MAD1L1: variants seen among roughly 807,000 people sequenced by gnomAD.
MAD1L1 encodes mitotic arrest deficient 1 like 1, also known as mitotic spindle assembly checkpoint protein MAD1.
In MAD1L1, 95 loss-of-function variants were observed where a neutral mutation model predicts 96.9. That is an observed-to-expected ratio of 0.98 (90% CI 0.83 to 1.16). MAD1L1 has a LOEUF of 1.16. MAD1L1 is among the 50% of genes most tolerant of loss of function. The probability of loss-of-function intolerance (pLI) is 0.00; values close to 1 mark genes in which losing one functional copy is unlikely to be tolerated. For missense variants in MAD1L1, 1,007 were observed against 954.4 expected, an observed-to-expected ratio of 1.06 and a Z score of -0.73; for synonymous variants, 473 against 396.6, an observed-to-expected ratio of 1.19 and a Z score of -2.29.
chr7:1,949,449 T>C (rs938632316), intron 16 of MAD1L1, among the ~76,000 whole-genome samples: 2 of 152,324 alleles, frequency 1.3e-5, no homozygotes, highest in African/African-American at 4.8e-5. Flanking sequence ...CAAGACGTCC[T>C]TGAGAACCGA....
At chr7:2,230,178 G>C in intron 2 of MAD1L1, 35 bp from the exon 3 acceptor site, 1 of 1,543,214 alleles carries the variant, frequency 6.5e-7, no homozygotes, top group Non-Finnish European at 8.8e-7. Flanking sequence ...GTCAGGGGCA[G>C]CCTTTCCACG....
At chr7:2,024,184 C>G (rs895105841) in intron 12 of MAD1L1, among the ~76,000 whole-genome samples, 4 of 151,622 alleles carry the variant, frequency 2.6e-5, no homozygotes, top group African/African-American at 9.7e-5. Flanking sequence ...ACTACTAATC[C>G]TATAGGCATC....
chr7:2,102,724 G>A (rs1432859961), intron 11 of MAD1L1, among the ~76,000 whole-genome samples: 2 of 127,332 alleles, frequency 1.6e-5, no homozygotes, highest in East Asian at 2.3e-4. Flanking sequence ...CTCTCACCAC[G>A]TCCCCACCAT....
chr7:2,108,086 T>C (rs564779257), intron 11 of MAD1L1, among the ~76,000 whole-genome samples: 4 of 151,182 alleles, frequency 2.6e-5, no homozygotes, highest in Admixed American at 2.6e-4. Context: ...AAATGGATCA[T>C]TTTTAAATAC....
At position 2,172,670 on chromosome 7, in the gene MAD1L1, C is replaced by T. The variant is rs567281061; in HGVS notation, c.987-23432G>A. 2.6e-5 allele frequency among the ~76,000 whole-genome samples: 4 copies of T among 152,334 alleles called. No individual in the cohort carries two copies. The East Asian group carries it at 5.8e-4, about 22-fold the overall frequency. ...GTCAGTAGTCCTCGTGGTGCCAGCT[C>T]GAGTGCCTGATGGGCCCTCGCACGG... On this transcript the variant is annotated intron_variant, in intron 10 of 18. Coordinates refer to ENST00000265854, the MANE Select transcript of MAD1L1 (RefSeq NM_001013836.2).
chr7:1,920,545 G>A (rs1385734375), intron 17 of MAD1L1, among the ~76,000 whole-genome samples: 2 of 152,234 alleles, frequency 1.3e-5, no homozygotes, highest in Non-Finnish European at 2.9e-5. Context: ...GGAGAAGGAG[G>A]GTGCAGGTGT....
At chr7:1,871,578 G>A (rs1407293575) in intron 18 of MAD1L1, among the ~76,000 whole-genome samples, 2 of 141,438 alleles carry the variant, frequency 1.4e-5, no homozygotes, top group Admixed American at 1.4e-4. Context: ...CGCCTGCCAC[G>A]CCGAACCCAC....
intron 11 of MAD1L1, among the ~76,000 whole-genome samples, chr7:2,090,268 G>A (rs779648674): frequency 6.6e-6 from 1 of 152,194 alleles, no homozygotes; most frequent in African/African-American, 2.4e-5. Context: ...CTCGGGGAGG[G>A]GCCAGGTCCA....
intron 10 of MAD1L1, among the ~76,000 whole-genome samples, chr7:2,180,074 C>T (rs1349021407): frequency 1.3e-5 from 2 of 152,244 alleles, no homozygotes; most frequent in Non-Finnish European, 2.9e-5. Context: ...CTGTCAACCA[C>T]TTCAACATCA....
intron 11 of MAD1L1, among the ~76,000 whole-genome samples, chr7:2,091,542 G>A (rs113928748): frequency 0.02 from 3,089 of 152,350 alleles, 58 homozygotes; most frequent in Middle Eastern, 0.051. Context: ...TTGGGAGGCC[G>A]AGGTGGGCGG....
At chr7:1,876,858 C>T (rs1200205626) in intron 18 of MAD1L1, among the ~76,000 whole-genome samples, 1 of 144,002 alleles carries the variant, frequency 6.9e-6, no homozygotes, top group Non-Finnish European at 1.5e-5. Context: ...CACAGGATGT[C>T]AACAGTATTT....
chr7:2,196,872 G>C (rs775307623), intron 10 of MAD1L1, among the ~76,000 whole-genome samples: 14 of 152,176 alleles, frequency 9.2e-5, no homozygotes, highest in Non-Finnish European at 2.1e-4. Context: ...CTGACAACAG[G>C]AAACACCGCC....
intron 18 of MAD1L1, among the ~76,000 whole-genome samples, chr7:1,835,452 T>C (rs1008693765): frequency 6.6e-6 from 1 of 152,242 alleles, no homozygotes; most frequent in African/African-American, 2.4e-5. Flanking sequence ...AACTAACACA[T>C]GAGTTTAGCG....
intron 10 of MAD1L1, among the ~76,000 whole-genome samples, chr7:2,155,102 T>G (rs1353378171): frequency 6.6e-6 from 1 of 152,274 alleles, no homozygotes; most frequent in East Asian, 1.9e-4. Flanking sequence ...TTGGGGCTTC[T>G]GTGGCCTGGC....
At chr7:2,039,355 GT>G (rs749793503) in intron 12 of MAD1L1, among the ~76,000 whole-genome samples, 3 of 152,214 alleles carry the variant, frequency 2.0e-5, no homozygotes, top group Non-Finnish European at 4.4e-5. Context: ...CCGAACCTCG[GT>G]TTTATTTCAC....
intron 11 of MAD1L1, among the ~76,000 whole-genome samples, chr7:2,133,551 C>T (rs979966888): frequency 5.3e-5 from 8 of 152,252 alleles, no homozygotes; most frequent in Admixed American, 5.2e-4. Context: ...CCATTTCCAA[C>T]TCTAACGAGG....
intron 18 of MAD1L1, among the ~76,000 whole-genome samples, chr7:1,828,907 C>T (rs1459801545): frequency 2.0e-5 from 3 of 152,140 alleles, no homozygotes; most frequent in Non-Finnish European, 4.4e-5. Flanking sequence ...CCAAATTGAC[C>T]TTCTAAGGAT....
chr7:2,155,507 T>C lies in MAD1L1; in HGVS notation c.987-6269A>G, dbSNP rs139623760. 9.9e-5 allele frequency among the ~76,000 whole-genome samples: 15 copies of C among 152,256 alleles called. No homozygotes were observed. In the East Asian group the frequency reaches 1.7e-3, roughly 18 times the overall value. ...CTCCCAGCCCCAGCCACCTCCATAC[T>C]ACCTTCCGTCTCTAAGAATGCGACC... is the stretch of plus-strand genomic sequence containing the variant. On this transcript the variant is annotated intron_variant, in intron 10 of 18. Transcript: ENST00000265854.
intron 11 of MAD1L1, among the ~76,000 whole-genome samples, chr7:2,085,774 T>A (rs1486797716): frequency 6.6e-6 from 1 of 152,222 alleles, no homozygotes; most frequent in Non-Finnish European, 1.5e-5. Flanking sequence ...AATGCTGCTA[T>A]GAACGATGAC....
Sources: allele counts gnomAD v4.1 joint callset (sites outside exome capture counted in the v4.1 genomes callset), GRCh38; gene constraint gnomAD v4.1.1; transcripts MANE v1.5; gene names NCBI Gene and HGNC (gene_info 2026-07-23, HGNC 2026-07-21).